TRPM3: variants seen among roughly 807,000 people sequenced by gnomAD.
TRPM3 encodes the protein long transient receptor potential channel 3.
A neutral mutation model predicts 181.2 loss-of-function variants in TRPM3; 77 were observed. The ratio of observed to expected loss-of-function variants is 0.42; its 90% CI spans 0.35 to 0.51. The LOEUF (loss-of-function observed/expected upper bound fraction) is 0.51, where lower values mean the gene tolerates loss of function less well. Ranked by LOEUF, TRPM3 falls within the 20% of genes least tolerant of loss-of-function variation. The pLI, the probability that TRPM3 is intolerant of heterozygous loss-of-function variation, is 0.01. For synonymous variants in TRPM3, 745 were observed against 796.4 expected (o/e 0.94, Z 1.09); for missense variants, 1,759 against 2,196.7 (o/e 0.80, Z 3.98).
intron 1 of TRPM3, among the ~76,000 whole-genome samples, chr9:71,429,752 G>C (rs1007160441): frequency 7.2e-5 from 11 of 152,172 alleles, no homozygotes; most frequent in African/African-American, 2.7e-4. Context: ...ATTGAGGGGA[G>C]CATTTGTGCA....
In TRPM3 at chr9:71,108,285, G is replaced by A. The variant is rs144535637; in HGVS notation, c.177+12893C>T. ...CAGAGTGAAATCATAGTTTTAGATC[G>A]CTTGCCATGCCTTCTAGGTCTGGGT... On this transcript the variant is annotated intron_variant, in intron 1 of 25. Transcript: ENST00000677713. Among the ~76,000 whole-genome samples, 364 of 152,226 alleles carry A rather than the reference G, an allele frequency of 2.4e-3. 6 individuals carry two copies. Among genetic ancestry groups the A allele is most frequent in the African/African-American group, 8.4e-3 (351 of 41,554 alleles).
chr9:70,662,071 G>A (rs1294653720), intron 9 of TRPM3, among the ~76,000 whole-genome samples: 2 of 152,054 alleles, frequency 1.3e-5, no homozygotes, highest in Non-Finnish European at 2.9e-5. Flanking sequence ...TATAAAAATA[G>A]GCACATAGAC....
intron 8 of TRPM3, among the ~76,000 whole-genome samples, chr9:70,688,279 C>T (rs1259811495): frequency 3.2e-5 from 4 of 124,534 alleles, no homozygotes; most frequent in Admixed American, 8.6e-5. Context: ...CTGCTGATGT[C>T]ACACTCCCAA....
intron 3 of TRPM3, among the ~76,000 whole-genome samples, chr9:70,850,658 A>C (rs1425639373): frequency 6.6e-6 from 1 of 152,190 alleles, no homozygotes; most frequent in Non-Finnish European, 1.5e-5. Flanking sequence ...CTGCTACTTG[A>C]GTAGTGTGGT....
At chr9:71,154,565 A>G (rs936051673) in intron 1 of TRPM3, among the ~76,000 whole-genome samples, 1 of 152,106 alleles carries the variant, frequency 6.6e-6, no homozygotes, top group Non-Finnish European at 1.5e-5. Context: ...CTCCTTCAAA[A>G]TAATCTATCT....
intron 1 of TRPM3, among the ~76,000 whole-genome samples, chr9:71,069,868 A>G (rs960229696): frequency 1.3e-5 from 2 of 152,102 alleles, no homozygotes; most frequent in African/African-American, 4.8e-5. Flanking sequence ...TCGGCCTCCC[A>G]AAGTGCTGGG....
chr9:70,893,434 T>C (rs1421465967), intron 1 of TRPM3, among the ~76,000 whole-genome samples: 3 of 152,200 alleles, frequency 2.0e-5, no homozygotes, highest in Non-Finnish European at 4.4e-5. Context: ...TAAGAAGCTC[T>C]TTATAAATGA....
rs11999041 is a variant in TRPM3, at chr9:71,399,844, C to T, written c.183+46809G>A. On this transcript the variant is annotated intron_variant, in intron 1 of 24. Transcript: ENST00000357533. ...CTGCGCCCAGCCTATATTTTCTTTT[C>T]GTTTCCAGAAGTTGTTGATTTTTTT... is the stretch of plus-strand genomic sequence containing the variant. Among the ~76,000 whole-genome samples the T allele has an allele frequency of 6.0e-3, 917 of 152,068 alleles. 12 individuals carry two copies. Among genetic ancestry groups the T allele is most frequent in the African/African-American group, 0.021 (855 of 41,516 alleles).
At chr9:71,410,950 A>C (rs2093536006) in intron 1 of TRPM3, among the ~76,000 whole-genome samples, 1 of 152,246 alleles carries the variant, frequency 6.6e-6, no homozygotes. Context: ...AGTTCAACAT[A>C]TGAAAATCAA....
intron 1 of TRPM3, among the ~76,000 whole-genome samples, chr9:71,179,650 T>C (rs970833840): frequency 1.3e-5 from 2 of 152,146 alleles, no homozygotes; most frequent in African/African-American, 4.8e-5. Context: ...TCCATGTTTT[T>C]TCTGAAGGGG....
chr9:71,067,324 G>A (rs559851392), intron 1 of TRPM3, among the ~76,000 whole-genome samples: 1 of 152,280 alleles, frequency 6.6e-6, no homozygotes, highest in South Asian at 2.1e-4. Flanking sequence ...GCATGATCCA[G>A]AGATAACTGC....
rs1024526817 is a variant in TRPM3, at chr9:70,681,701, G to T, written c.1273-123C>A. ...TACAAAGTAGATTCTTAACCACAGG[G>T]TAAGCACACATAACAAGAATCCGAT... On this transcript the variant is annotated intron_variant, in intron 8 of 25. Transcript: ENST00000677713. 6.9e-5 allele frequency: 55 copies of T among 802,494 alleles called. 1 individual carries two copies. The highest frequency in any genetic ancestry group is 1.0e-4 in the Non-Finnish European group (49 of 475,228). The allele number at this position is 802,494 out of a possible 1,614,324, so 49.7% of individuals were successfully genotyped here. A position where few individuals can be genotyped will look rare whatever the true frequency, so the allele number is the denominator to read the frequency against.
At chr9:70,701,491 T>C (rs1349831388) in intron 8 of TRPM3, among the ~76,000 whole-genome samples, 1 of 150,318 alleles carries the variant, frequency 6.7e-6, no homozygotes, top group Admixed American at 6.7e-5. Context: ...TTAATGCCTG[T>C]GACTGTGGGG....
chr9:70,961,713 G>A (rs1049377184), intron 1 of TRPM3, among the ~76,000 whole-genome samples: 2 of 152,006 alleles, frequency 1.3e-5, no homozygotes, highest in Non-Finnish European at 1.5e-5. Flanking sequence ...CTTCTCTGGG[G>A]ATGGGGCTTA....
intron 1 of TRPM3, among the ~76,000 whole-genome samples, chr9:71,018,667 A>C (rs1249213802): frequency 6.6e-6 from 1 of 151,910 alleles, no homozygotes; most frequent in African/African-American, 2.4e-5. Flanking sequence ...TCCATAATTT[A>C]AAATGTGATA....
intron 1 of TRPM3, among the ~76,000 whole-genome samples, chr9:70,966,127 C>T (rs774361639): frequency 6.6e-6 from 1 of 150,774 alleles, no homozygotes; most frequent in African/African-American, 2.4e-5. Flanking sequence ...TACATGTGGC[C>T]AACAAGCATA....
chr9:71,184,683 A>G (rs1053808759), intron 1 of TRPM3, among the ~76,000 whole-genome samples: 1 of 152,122 alleles, frequency 6.6e-6, no homozygotes, highest in African/African-American at 2.4e-5. Flanking sequence ...TCTCATGAGC[A>G]GTCTCCATTT....
At chr9:71,069,664 A>C (rs761845851) in intron 1 of TRPM3, among the ~76,000 whole-genome samples, 3 of 142,154 alleles carry the variant, frequency 2.1e-5, no homozygotes, top group Non-Finnish European at 3.0e-5. Flanking sequence ...GCTGGAGTGC[A>C]GTGGCACAAT....
At chr9:70,874,411 T>C (rs1032349529) in intron 1 of TRPM3, among the ~76,000 whole-genome samples, 4 of 151,930 alleles carry the variant, frequency 2.6e-5, no homozygotes, top group African/African-American at 9.7e-5. Flanking sequence ...CTGGGGCTTA[T>C]AGAGGTTAAG....
Sources: allele counts gnomAD v4.1 joint callset (sites outside exome capture counted in the v4.1 genomes callset), GRCh38; gene constraint gnomAD v4.1.1; transcripts MANE v1.5; gene names NCBI Gene and HGNC (gene_info 2026-07-23, HGNC 2026-07-21).